The following CACNB2 variants were observed in gnomAD, a reference collection of about 807,000 sequenced individuals.
CACNB2 encodes the protein calcium voltage-gated channel auxiliary subunit beta 2, also known as voltage-dependent L-type calcium channel subunit beta-2.
CACNB2 carries 42 observed loss-of-function variants against 73.3 expected under a neutral mutation model. The ratio of observed to expected loss-of-function variants is 0.57; its 90% CI spans 0.45 to 0.74. CACNB2 has a LOEUF of 0.74. CACNB2 is among the 30% of genes least tolerant of loss of function. CACNB2 has a pLI of 0.00. For synonymous variants in CACNB2, 348 were observed against 310.3 expected, an observed-to-expected ratio of 1.12 and a Z score of -1.28; for missense variants, 940 against 853.0, an observed-to-expected ratio of 1.10 and a Z score of -1.27.
intron 2 of CACNB2, among the ~76,000 whole-genome samples, chr10:18,352,224 G>C (rs180737778): frequency 3.3e-5 from 5 of 152,278 alleles, no homozygotes; most frequent in Admixed American, 3.3e-4. Flanking sequence ...CTTTCTGATC[G>C]CATGAGTTGA....
Position 18,169,507 on chromosome 10 carries a change from C to T in CACNB2, c.213+18532C>T, listed in dbSNP as rs375032046. ...ATAAAATGTAGAAAATTAGTGATAA[C>T]AGGCATAATTGTACGGGAAAAATAT... On this transcript the variant is annotated intron_variant, in intron 2 of 13. Coordinates refer to ENST00000324631, the MANE Select transcript of CACNB2 (RefSeq NM_201596.3). Among the ~76,000 whole-genome samples, 4 of 152,290 alleles carry T rather than the reference C, an allele frequency of 2.6e-5. No individual in the cohort carries two copies. In the East Asian group the frequency reaches 7.7e-4, roughly 29 times the overall value.
At chr10:18,163,400 A>G (rs943655992) in intron 2 of CACNB2, among the ~76,000 whole-genome samples, 12 of 152,208 alleles carry the variant, frequency 7.9e-5, no homozygotes, top group Non-Finnish European at 1.6e-4. Flanking sequence ...CTTTTCAACA[A>G]CAGTGATACC....
intron 2 of CACNB2, among the ~76,000 whole-genome samples, chr10:18,367,997 C>T (rs908932002): frequency 6.6e-6 from 1 of 152,060 alleles, no homozygotes; most frequent in African/African-American, 2.4e-5. Flanking sequence ...AAACGAAATT[C>T]CCTTTTTAGG....
chr10:18,526,697 A>G (rs2052498686), intron 9 of CACNB2, among the ~76,000 whole-genome samples: 2 of 152,162 alleles, frequency 1.3e-5, no homozygotes, highest in Admixed American at 1.3e-4. Flanking sequence ...TCCCAATTCA[A>G]TATTGTCTCT....
intron 2 of CACNB2, among the ~76,000 whole-genome samples, chr10:18,376,201 A>T (rs746091338): frequency 2.6e-5 from 4 of 152,214 alleles, no homozygotes; most frequent in Non-Finnish European, 5.9e-5. Context: ...AATATGGATG[A>T]AACTTGAGGT....
At chr10:18,400,371 T>C (rs1404410214) in intron 2 of CACNB2, among the ~76,000 whole-genome samples, 1 of 152,214 alleles carries the variant, frequency 6.6e-6, no homozygotes, top group Non-Finnish European at 1.5e-5. Flanking sequence ...GAAGGTTTCA[T>C]CTGAAACAGA....
chr10:18,167,085 G>A (rs963846267), intron 2 of CACNB2, among the ~76,000 whole-genome samples: 34 of 152,248 alleles, frequency 2.2e-4, no homozygotes, highest in African/African-American at 6.7e-4. Context: ...GTTCTTCAAG[G>A]TGAAGGTACC....
At chr10:18,200,461 A>C (rs919084540) in intron 2 of CACNB2, among the ~76,000 whole-genome samples, 5 of 152,100 alleles carry the variant, frequency 3.3e-5, no homozygotes, top group African/African-American at 1.2e-4. Context: ...AATCTGATTG[A>C]ATTAGTGCAT....
At chr10:18,518,448 T>A (rs2051497156) in intron 8 of CACNB2, 32 bp downstream of exon 8, 2 of 1,427,932 alleles carry the variant, frequency 1.4e-6, no homozygotes, top group African/African-American at 1.4e-5. Flanking sequence ...GAAGCTTAAC[T>A]TGCATGCTGA....
chr10:18,274,298 A>G (rs896518838), intron 2 of CACNB2, among the ~76,000 whole-genome samples: 23 of 152,320 alleles, frequency 1.5e-4, no homozygotes, highest in African/African-American at 5.1e-4. Context: ...AACTGTTCAA[A>G]CTGTAAGTAA....
intron 1 of CACNB2, among the ~76,000 whole-genome samples, chr10:18,146,598 C>G (rs1192313581): frequency 6.6e-6 from 1 of 152,114 alleles, no homozygotes; most frequent in Non-Finnish European, 1.5e-5. Flanking sequence ...CTGCCTCATC[C>G]TCCTGAGTAG....
chr10:18,271,636 G>C (rs1022157998), intron 2 of CACNB2, among the ~76,000 whole-genome samples: 1 of 152,114 alleles, frequency 6.6e-6, no homozygotes. Flanking sequence ...CCTTCTCCCG[G>C]TGGCAGCACA....
chr10:18,214,715 G>A (rs2035445651), intron 2 of CACNB2, among the ~76,000 whole-genome samples: 2 of 151,972 alleles, frequency 1.3e-5, no homozygotes, highest in South Asian at 4.1e-4. Context: ...TTGCCCTGTT[G>A]GAACAGATTT....
At chr10:18,299,236 C>G (rs1462993214) in intron 2 of CACNB2, among the ~76,000 whole-genome samples, 1 of 152,168 alleles carries the variant, frequency 6.6e-6, no homozygotes, top group South Asian at 2.1e-4. Flanking sequence ...TAATAGTTCT[C>G]TTTCTTTCTC....
intron 3 of CACNB2, among the ~76,000 whole-genome samples, chr10:18,461,511 C>G (rs755266551): frequency 1.3e-5 from 2 of 151,080 alleles, no homozygotes; most frequent in South Asian, 2.1e-4. Flanking sequence ...GGTCCCCAAC[C>G]TTTTTGGCAC....
intron 2 of CACNB2, among the ~76,000 whole-genome samples, chr10:18,313,316 G>T (rs1022174088): frequency 6.8e-6 from 1 of 147,944 alleles, no homozygotes; most frequent in Admixed American, 6.9e-5. Flanking sequence ...TCTCGTTGCC[G>T]TGGAGCCGTC....
intron 2 of CACNB2, among the ~76,000 whole-genome samples, chr10:18,320,662 T>C (rs1054983282): frequency 6.6e-6 from 1 of 152,186 alleles, no homozygotes; most frequent in Non-Finnish European, 1.5e-5. Flanking sequence ...AGAATGGGGA[T>C]AGTTGTATGT....
chr10:18,143,821 C>G (rs11591660), intron 1 of CACNB2, among the ~76,000 whole-genome samples: 11,223 of 152,218 alleles, frequency 0.074, 562 homozygotes, highest in Admixed American at 0.12. Flanking sequence ...TTTCTATTTA[C>G]AAATGGAACC....
intron 3 of CACNB2, among the ~76,000 whole-genome samples, chr10:18,482,228 A>C (rs1358121115): frequency 2.6e-5 from 4 of 152,170 alleles, no homozygotes; most frequent in African/African-American, 9.7e-5. Flanking sequence ...AGATATATTT[A>C]AGCAACAGGA....
Sources: gnomAD v4.1 joint callset for allele counts (sites outside exome capture counted in the v4.1 genomes callset) on GRCh38, gnomAD v4.1.1 for gene constraint, MANE v1.5 for transcripts, NCBI Gene and HGNC (gene_info 2026-07-23, HGNC 2026-07-21) for gene names.